Variants in ENTREP1 observed in about 807,000 individuals in gnomAD.
The protein encoded by ENTREP1 is Friedreich ataxia region gene X123.
the ENTREP1 span, among the ~76,000 whole-genome samples, chr9:69,355,959 A>G: frequency 5.3e-5 from 8 of 152,248 alleles, no homozygotes; most frequent in African/African-American, 1.4e-4. Flanking sequence ...CATATATAAC[A>G]TAACATAAAA....
At chr9:69,351,521 A>C in the ENTREP1 span, among the ~76,000 whole-genome samples, 1 of 152,166 alleles carries the variant, frequency 6.6e-6, no homozygotes, top group East Asian at 1.9e-4. Context: ...GGTTCAAGTG[A>C]TTCTCTTGCC....
the ENTREP1 span, among the ~76,000 whole-genome samples, chr9:69,338,994 T>A: frequency 3.3e-5 from 5 of 152,190 alleles, no homozygotes; most frequent in African/African-American, 1.2e-4. Context: ...GTCAGTATCA[T>A]AAATGAGAAA....
At chr9:69,335,624 A>T in the ENTREP1 span, among the ~76,000 whole-genome samples, 2 of 152,134 alleles carry the variant, frequency 1.3e-5, no homozygotes, top group South Asian at 4.2e-4. Context: ...CGAAGACTTT[A>T]CCTGTCCCAT....
At chr9:69,334,775 C>CTT in the ENTREP1 span, among the ~76,000 whole-genome samples, 187 of 130,570 alleles carry the variant, frequency 1.4e-3, no homozygotes, top group African/African-American at 3.4e-3. Context: ...CTTTCCTTTT[C>CTT]TTTTTTTTTT....
chr9:69,383,596 A>C, the ENTREP1 span: 1 of 1,613,298 alleles, frequency 6.2e-7, no homozygotes, highest in Non-Finnish European at 8.5e-7. Context: ...CAGTCTGTAG[A>C]ACGTGCTTTC....
At chr9:69,354,154 T>G in the ENTREP1 span, among the ~76,000 whole-genome samples, 1 of 152,092 alleles carries the variant, frequency 6.6e-6, no homozygotes, top group East Asian at 1.9e-4. Flanking sequence ...TTTTTATAAT[T>G]GGTTTGTTTT....
At chr9:69,355,784 A>G in the ENTREP1 span, among the ~76,000 whole-genome samples, 1 of 152,120 alleles carries the variant, frequency 6.6e-6, no homozygotes, top group African/African-American at 2.4e-5. Flanking sequence ...CTGGCAAGTG[A>G]TACTGGCTGT....
the ENTREP1 span, chr9:69,371,507 C>T: frequency 1.2e-5 from 19 of 1,612,456 alleles, no homozygotes; most frequent in Non-Finnish European, 1.5e-5. Flanking sequence ...AGGTAAACCT[C>T]TTTGTGCTGC....
the ENTREP1 span, among the ~76,000 whole-genome samples, chr9:69,345,234 C>T: frequency 6.6e-6 from 1 of 152,052 alleles, no homozygotes; most frequent in African/African-American, 2.4e-5. Flanking sequence ...TGTAATGTCT[C>T]AACGGTGATA....
the ENTREP1 span, among the ~76,000 whole-genome samples, chr9:69,360,145 T>C: frequency 1.8e-4 from 27 of 152,352 alleles, no homozygotes; most frequent in Admixed American, 9.8e-4. Context: ...TCATGTTTTT[T>C]ATTCCATTTT....
chr9:69,390,291 C>T, the ENTREP1 span, among the ~76,000 whole-genome samples: 1 of 152,160 alleles, frequency 6.6e-6, no homozygotes, highest in Non-Finnish European at 1.5e-5. Context: ...AACAAAAAGT[C>T]ATCCAAATGA....
At chr9:69,336,296 C>T in the ENTREP1 span, 1 of 1,472,852 alleles carries the variant, frequency 6.8e-7, no homozygotes, top group Non-Finnish European at 9.4e-7. Flanking sequence ...TAAATTGCTA[C>T]CCTTTATAAA....
chr9:69,371,121 T>C, the ENTREP1 span: 5 of 280,782 alleles, frequency 1.8e-5, no homozygotes, highest in East Asian at 2.9e-4. Context: ...GTTTCACTTA[T>C]ATTCCAGAGT....
the ENTREP1 span, among the ~76,000 whole-genome samples, chr9:69,357,357 C>A: frequency 6.6e-6 from 1 of 152,100 alleles, no homozygotes; most frequent in Admixed American, 6.5e-5. Context: ...GGCCTTTCAT[C>A]CCTGTTGAAA....
chr9:69,340,715 G>GTGCA, the ENTREP1 span, among the ~76,000 whole-genome samples: 3 of 140,072 alleles, frequency 2.1e-5, no homozygotes, highest in Non-Finnish European at 4.7e-5. Context: ...GTATGTGTGT[G>GTGCA]TGCATGCATG....
the ENTREP1 span, chr9:69,325,282 ACC>A: frequency 2.5e-5 from 1 of 40,572 alleles, no homozygotes; most frequent in Non-Finnish European, 2.7e-5. Flanking sequence ...AGCCGGCCGC[ACC>A]CGGCCGCACC....
the ENTREP1 span, among the ~76,000 whole-genome samples, chr9:69,372,943 T>G: frequency 6.6e-6 from 1 of 152,120 alleles, no homozygotes; most frequent in African/African-American, 2.4e-5. Context: ...ATGTTGATAG[T>G]CTCTTCATAT....
At chr9:69,335,610 A>T in the ENTREP1 span, among the ~76,000 whole-genome samples, 35 of 152,136 alleles carry the variant, frequency 2.3e-4, no homozygotes, top group Non-Finnish European at 4.3e-4. Context: ...CTTGTTTCCC[A>T]TTTCGAAGAC....
chr9:69,387,791 T>A, the ENTREP1 span: 1 of 818,908 alleles, frequency 1.2e-6, no homozygotes, highest in Non-Finnish European at 1.7e-6. Context: ...GGAACATCCT[T>A]TCATTGGTCA....
Sources: gnomAD v4.1 joint callset for allele counts (sites outside exome capture counted in the v4.1 genomes callset) on GRCh38, gnomAD v4.1.1 for gene constraint, MANE v1.5 for transcripts, NCBI Gene and HGNC (gene_info 2026-07-23, HGNC 2026-07-21) for gene names.